RUNX1T1: variants seen among roughly 807,000 people sequenced by gnomAD.
The protein encoded by RUNX1T1 is RUNX1 partner transcriptional co-repressor 1.
A neutral mutation model predicts 62.8 loss-of-function variants in RUNX1T1; 4 were observed. The ratio of observed to expected loss-of-function variants is 0.06; its 90% CI spans 0.03 to 0.15. The LOEUF (loss-of-function observed/expected upper bound fraction) is 0.15. Among genes scored for constraint, RUNX1T1 ranks in the 10% least tolerant of loss-of-function variants. The pLI, the probability that RUNX1T1 is intolerant of heterozygous loss-of-function variation, is 1.00. For synonymous variants in RUNX1T1, 291 were observed against 286.0 expected (o/e 1.02, Z -0.18); for missense variants, 508 against 754.3 (o/e 0.67, Z 3.82).
chr8:91,982,222 G>A (rs1165230558), intron 8 of RUNX1T1, among the ~76,000 whole-genome samples: 5 of 138,430 alleles, frequency 3.6e-5, no homozygotes, highest in African/African-American at 1.4e-4. Context: ...GAGCAACAAA[G>A]TGAGACCCTG....
At chr8:92,059,254 G>T (rs745595380) in intron 1 of RUNX1T1, among the ~76,000 whole-genome samples, 1 of 152,164 alleles carries the variant, frequency 6.6e-6, no homozygotes, top group Non-Finnish European at 1.5e-5. Context: ...AAGTAAAATA[G>T]AGTGTCAGTG....
At chr8:91,975,634 A>C (rs1295901633) in intron 9 of RUNX1T1, among the ~76,000 whole-genome samples, 2 of 152,182 alleles carry the variant, frequency 1.3e-5, no homozygotes, top group Non-Finnish European at 2.9e-5. Context: ...GCCCTGAAAA[A>C]AATGGAGTTT....
intron 2 of RUNX1T1, among the ~76,000 whole-genome samples, chr8:92,075,022 T>C (rs980330809): frequency 1.3e-5 from 2 of 152,210 alleles, no homozygotes; most frequent in African/African-American, 4.8e-5. Context: ...AACAAGCCTA[T>C]AAGCATTTGT....
intron 1 of RUNX1T1, among the ~76,000 whole-genome samples, chr8:92,090,821 G>A (rs139543836): frequency 0.013 from 1,965 of 152,296 alleles, 24 homozygotes; most frequent in Non-Finnish European, 0.017. Flanking sequence ...AGCCAGAAGA[G>A]TAACTATGGC....
intron 1 of RUNX1T1, among the ~76,000 whole-genome samples, chr8:92,062,079 T>C (rs1471519603): frequency 6.6e-6 from 1 of 152,236 alleles, no homozygotes; most frequent in African/African-American, 2.4e-5. Context: ...AAATTCCTTG[T>C]AGTTCCAAAG....
exon 8 of RUNX1T1, chr8:91,986,146 G>A: frequency 6.2e-7 from 1 of 1,614,038 alleles, no homozygotes; most frequent in Non-Finnish European, 8.5e-7. Flanking sequence ...GGTCTGGGTT[G>A]ACGGGACTCT....
At position 91,981,404 on chromosome 8, in the gene RUNX1T1, CTTTTTTTTTTTTTT is replaced by C. The variant is rs67366711; in HGVS notation, c.1198+4706_1198+4719del. ...TTCAACAAACTCCTAAGTTACTAAG[CTTTTTTTTTTTTTT>C]TTTTTTTTTTTTTTTTGAGGCAGTC... is the stretch of plus-strand genomic sequence containing the variant. On this transcript the variant is annotated intron_variant, in intron 8 of 10. Transcript: ENST00000396218. Among the ~76,000 whole-genome samples the C allele has an allele frequency of 6.4e-3, 406 of 63,900 alleles. 2 individuals are homozygous for C. The highest frequency in any genetic ancestry group is 0.024 in the African/African-American group (383 of 16,028). 41.9% of individuals were successfully genotyped at this position (63,900 alleles called of 152,430 possible).
intron 10 of RUNX1T1, among the ~76,000 whole-genome samples, chr8:91,964,687 T>C (rs745744484): frequency 5.5e-4 from 83 of 152,204 alleles, no homozygotes; most frequent in Admixed American, 1.3e-3. Flanking sequence ...ATTAAAAATA[T>C]TCTTTCTAAA....
intron 1 of RUNX1T1, among the ~76,000 whole-genome samples, chr8:92,031,881 C>G (rs1220194082): frequency 1.3e-5 from 2 of 151,662 alleles, no homozygotes; most frequent in Non-Finnish European, 2.9e-5. Flanking sequence ...CACTTGAGCC[C>G]GGGAGTTCGA....
chr8:92,102,133 G>C (rs896929786), upstream of RUNX1T1, among the ~76,000 whole-genome samples: 7 of 152,170 alleles, frequency 4.6e-5, no homozygotes, highest in African/African-American at 1.7e-4. This position sits in a 1 kb window ranked among gnomAD's most constrained non-coding sequence, Gnocchi z 4.5. Context: ...CGCAGAGGTC[G>C]GGCGGGGACG....
At chr8:91,983,138 T>C (rs934994386) in intron 8 of RUNX1T1, among the ~76,000 whole-genome samples, 1 of 151,746 alleles carries the variant, frequency 6.6e-6, no homozygotes, top group Non-Finnish European at 1.5e-5. Flanking sequence ...TTTCACCATG[T>C]TGGCCAGGCT....
At chr8:92,076,224 G>A (rs911311192) in intron 1 of RUNX1T1, 87 bp from the exon 2 acceptor site, 4 of 1,037,326 alleles carry the variant, frequency 3.9e-6, no homozygotes, top group Non-Finnish European at 2.5e-6. Context: ...ATAACACTAG[G>A]CCAGTTTTGT....
intron 1 of RUNX1T1, among the ~76,000 whole-genome samples, chr8:92,098,574 TTGTC>T (rs1837893259): frequency 2.0e-5 from 3 of 152,232 alleles, no homozygotes; most frequent in South Asian, 2.1e-4. Context: ...TCTAAGTTGT[TTGTC>T]TTTTTTTTAA....
At chr8:92,051,971 G>GTCCTCC (rs1830320459) in intron 1 of RUNX1T1, among the ~76,000 whole-genome samples, 2 of 151,724 alleles carry the variant, frequency 1.3e-5, no homozygotes, top group South Asian at 4.2e-4. Context: ...TCAAAGCACA[G>GTCCTCC]TCCTCCAGGG....
chr8:91,969,294 T>C (rs563115141), intron 10 of RUNX1T1, among the ~76,000 whole-genome samples: 3 of 152,316 alleles, frequency 2.0e-5, no homozygotes, highest in East Asian at 1.9e-4. Flanking sequence ...AAAGACTTAA[T>C]TGACAATTTC....
chr8:91,986,366 AT>A (rs1319362496), intron 7 of RUNX1T1, 41 bp from the exon 9 acceptor site: 1 of 1,477,230 alleles, frequency 6.8e-7, no homozygotes, highest in Non-Finnish European at 9.5e-7. Context: ...CATATAAATC[AT>A]CACAATTAAA....
At chr8:91,985,305 G>C (rs1816322792) in intron 8 of RUNX1T1, among the ~76,000 whole-genome samples, 1 of 152,146 alleles carries the variant, frequency 6.6e-6, no homozygotes. Flanking sequence ...TTAGGTAAAA[G>C]TTCACAGGCC....
chr8:92,087,580 G>A (rs979785564), intron 1 of RUNX1T1, among the ~76,000 whole-genome samples: 34 of 152,086 alleles, frequency 2.2e-4, no homozygotes, highest in African/African-American at 7.7e-4. Context: ...CAAGCTCCAC[G>A]ATCTATGTAG....
At chr8:91,987,883 T>A (rs1816897850) in intron 6 of RUNX1T1, among the ~76,000 whole-genome samples, 2 of 152,186 alleles carry the variant, frequency 1.3e-5, no homozygotes, top group Admixed American at 6.5e-5. Flanking sequence ...TTTTGCATTT[T>A]AAATGATCAA....
Sources: gnomAD v4.1 joint callset for allele counts (sites outside exome capture counted in the v4.1 genomes callset) on GRCh38, gnomAD v4.1.1 for gene constraint, Gnocchi (gnomAD v3.1) non-coding constraint, MANE v1.5 for transcripts, NCBI Gene and HGNC (gene_info 2026-07-23, HGNC 2026-07-21) for gene names.